RC3H2: variants seen among roughly 807,000 people sequenced by gnomAD.
RC3H2 encodes roquin-2.
RC3H2 carries 31 observed loss-of-function variants against 133.3 expected under a neutral mutation model. That is an observed-to-expected ratio of 0.23 (90% confidence interval 0.17 to 0.31). RC3H2 has a LOEUF of 0.31. Ranked by LOEUF, RC3H2 falls within the 10% of genes least tolerant of loss-of-function variation. The pLI is 1.00. For synonymous variants in RC3H2, 517 were observed against 502.2 expected (o/e 1.03, Z -0.40); for missense variants, 1,175 against 1,437.2 (o/e 0.82, Z 2.95).
Position 122,890,546 on chromosome 9 carries a change from C to CT in RC3H2, c.350-2dup. The CT allele has an allele frequency of 1.9e-6, 3 of 1,588,556 alleles. No homozygotes were observed. The highest frequency in any genetic ancestry group is 2.6e-6 in the Non-Finnish European group (3 of 1,165,182). ...GCACTCTGGTTCAAGCTAGCTACAC[C>CT]TTTAGGAAAAGGGAAACAAAGGGAG... is the stretch of plus-strand genomic sequence containing the variant. On this transcript the variant is annotated splice_acceptor_variant, in intron 3 of 20. Coordinates refer to ENST00000357244, the MANE Select transcript of RC3H2 (RefSeq NM_001100588.3). LOFTEE classifies it high-confidence loss of function.
Position 122,849,776 on chromosome 9 carries a change from G to A in RC3H2, c.3427C>T (p.Pro1143Ser). ...GCATTGCTAATAGACACTGGGAGTG[G>A]CTGGCTAAAGCAAGAAGTTACCGGC... ...ILPVTSCFSQ[P>S]LPVSISNASC... The change falls in exon 21 of 21, where the codon CCA (proline) becomes TCA (serine). Residue 1143 changes from proline (P) to serine (S), a missense_variant. Transcript: ENST00000357244. 1 of 1,587,176 alleles carries A rather than the reference G, an allele frequency of 6.3e-7. No individual in the cohort carries two copies. The highest frequency in any genetic ancestry group is 8.6e-7 in the Non-Finnish European group (1 of 1,168,034).
At position 122,855,517 on chromosome 9, in the gene RC3H2, C is replaced by A. The variant is rs980617196; in HGVS notation, c.2602-120G>T. ...GTTAATTTAAAACTAGCTCTAGACTCAACGATAATCCAACAAACTACCAGT... is the reference window on the plus strand; with the variant it reads ...GTTAATTTAAAACTAGCTCTAGACTAAACGATAATCCAACAAACTACCAGT... On this transcript the variant is annotated intron_variant, in intron 14 of 20. Transcript: ENST00000357244. 1.2e-5 allele frequency: 12 copies of A among 988,704 alleles called. No homozygotes were observed. In the East Asian group the frequency reaches 2.5e-4, roughly 21 times the overall value. 61.2% of individuals were successfully genotyped at this position (988,704 alleles called of 1,614,324 possible).
chr9:122,886,811 G>GT lies in RC3H2; in HGVS notation c.584-3433dup, dbSNP rs199983507. Among the ~76,000 whole-genome samples, 1,106 of 152,216 alleles carry GT rather than the reference G, an allele frequency of 7.3e-3. 12 individuals are homozygous for GT. The highest frequency in any genetic ancestry group is 0.025 in the African/African-American group (1,027 of 41,528). On this transcript the variant is annotated intron_variant, in intron 4 of 20. Coordinates refer to ENST00000357244, the MANE Select transcript of RC3H2 (RefSeq NM_001100588.3). ...TTTTTTCATGTGCTTGTTAGTCATC[G>GT]TGTCTCTTCTTTGGAGAAATGTCTA...
chr9:122,879,916 T>A (rs1284749290), intron 7 of RC3H2, 43 bp from the exon 8 acceptor site: 1 of 1,611,094 alleles, frequency 6.2e-7, no homozygotes, highest in East Asian at 2.2e-5. Context: ...GGGGGAAGAA[T>A]GTTAGCAGTA....
At chr9:122,850,636 G>A (rs746333525) in intron 20 of RC3H2, among the ~76,000 whole-genome samples, 1 of 151,554 alleles carries the variant, frequency 6.6e-6, no homozygotes, top group Non-Finnish European at 1.5e-5. Flanking sequence ...TAGAGACAGG[G>A]TTTCACTATG....
At chr9:122,902,519 T>C (rs951538958) in intron 1 of RC3H2, among the ~76,000 whole-genome samples, 1 of 152,154 alleles carries the variant, frequency 6.6e-6, no homozygotes, top group Non-Finnish European at 1.5e-5. Context: ...ATAATCCGAG[T>C]AATTTTTAAT....
At chr9:122,870,515 A>T (rs1831040451) in intron 9 of RC3H2, among the ~76,000 whole-genome samples, 1 of 152,242 alleles carries the variant, frequency 6.6e-6, no homozygotes, top group African/African-American at 2.4e-5. Flanking sequence ...GGAGAAATAA[A>T]ATCTTAACCA....
intron 20 of RC3H2, among the ~76,000 whole-genome samples, 167 bp downstream of exon 20, chr9:122,850,914 T>G (rs1293739362): frequency 6.6e-6 from 1 of 152,236 alleles, no homozygotes; most frequent in Non-Finnish European, 1.5e-5. Context: ...AATGGACTGC[T>G]TTGTTAGTTC....
intron 8 of RC3H2, among the ~76,000 whole-genome samples, chr9:122,879,077 A>G (rs988840246): frequency 3.2e-4 from 48 of 150,432 alleles, no homozygotes; most frequent in African/African-American, 1.0e-3. Flanking sequence ...CTTAACTTCT[A>G]AAGTACACTG....
In RC3H2 at chr9:122,853,728, T is replaced by C. The variant is rs528621249; in HGVS notation, c.3117+224A>G. 3.5e-5 allele frequency: 43 copies of C among 1,216,422 alleles called. No individual in the cohort carries two copies. In the Middle Eastern group the frequency reaches 6.8e-4, roughly 19 times the overall value. 75.4% of individuals were successfully genotyped at this position (1,216,422 alleles called of 1,614,324 possible). A position where few individuals can be genotyped will look rare whatever the true frequency, so the allele number is the denominator to read the frequency against. On this transcript the variant is annotated intron_variant, in intron 18 of 20. Coordinates refer to ENST00000357244, the MANE Select transcript of RC3H2 (RefSeq NM_001100588.3). ...GATCGTGCCATTGCACTCCAGGCGA[T>C]AGAGCAAGATTCCATCTCAAAAAAA...
Position 122,857,777 on chromosome 9 carries a change from T to G in RC3H2, c.2454+146A>C, listed in dbSNP as rs181004128. On this transcript the variant is annotated intron_variant, in intron 13 of 20. Coordinates refer to ENST00000357244, the MANE Select transcript of RC3H2 (RefSeq NM_001100588.3). ...CTCATAACACCTAGCCGTAGTGCAT[T>G]TATATTCAGTGTTTATTGAACTAAA... 2.7e-3 allele frequency: 1,720 copies of G among 641,844 alleles called. 15 individuals are homozygous for G. The highest frequency in any genetic ancestry group is 3.2e-3 in the Non-Finnish European group (1,198 of 373,058). 39.8% of individuals were successfully genotyped at this position (641,844 alleles called of 1,614,324 possible).
At chr9:122,895,383 GTCTCGAAC>G (rs139822134) in intron 2 of RC3H2, among the ~76,000 whole-genome samples, 10,045 of 152,012 alleles carry the variant, frequency 0.066, 1,234 homozygotes, top group East Asian at 0.53. Context: ...GTCCAGGCTA[GTCTCGAAC>G]TCCTGGCCTC....
chr9:122,850,303 A>G (rs1360971372), intron 20 of RC3H2, among the ~76,000 whole-genome samples: 1 of 152,086 alleles, frequency 6.6e-6, no homozygotes, highest in Non-Finnish European at 1.5e-5. Context: ...AAAAGTTATG[A>G]TAAAAATTAA....
chr9:122,889,382 T>A (rs1394541108), intron 4 of RC3H2, among the ~76,000 whole-genome samples: 1 of 152,178 alleles, frequency 6.6e-6, no homozygotes, highest in African/African-American at 2.4e-5. Context: ...GTAATTTATA[T>A]AGTTTATAGA....
At position 122,848,870 on chromosome 9, in the gene RC3H2, A is replaced by G. The variant is rs1260879797; in HGVS notation, c.*757T>C. ...CATAACTTAGGAGAATTTAATATCT[A>G]GTACATCAGCTGAAAGACTTAGGCA... On this transcript the variant is annotated 3_prime_UTR_variant, in exon 21 of 21. Coordinates refer to ENST00000357244, the MANE Select transcript of RC3H2 (RefSeq NM_001100588.3). 1 of 152,194 alleles carries G rather than the reference A, an allele frequency of 6.6e-6. No individual in the cohort carries two copies. Among genetic ancestry groups the G allele is most frequent in the African/African-American group, 2.4e-5 (1 of 41,462 alleles). 9.4% of individuals were successfully genotyped at this position (152,194 alleles called of 1,614,324 possible).
intron 10 of RC3H2, among the ~76,000 whole-genome samples, chr9:122,863,439 T>A (rs751753869): frequency 1.3e-5 from 2 of 152,232 alleles, no homozygotes; most frequent in Non-Finnish European, 2.9e-5. Context: ...AAGACTGGTC[T>A]CCTCAATATT....
intron 10 of RC3H2, among the ~76,000 whole-genome samples, chr9:122,863,444 A>C (rs553767149): frequency 6.0e-4 from 91 of 152,296 alleles, no homozygotes; most frequent in African/African-American, 2.0e-3. Context: ...TGGTCTCCTC[A>C]ATATTCCATA....
chr9:122,870,336 C>T (rs1484804068), intron 9 of RC3H2, among the ~76,000 whole-genome samples: 1 of 151,106 alleles, frequency 6.6e-6, no homozygotes, highest in Non-Finnish European at 1.5e-5. Flanking sequence ...GATTGTGCCA[C>T]TGTACTCCAG....
chr9:122,852,768 G>A (rs1324259369), intron 18 of RC3H2, among the ~76,000 whole-genome samples: 2 of 148,792 alleles, frequency 1.3e-5, no homozygotes, highest in African/African-American at 4.9e-5. Flanking sequence ...GGGGGGGTCA[G>A]CCCCCCGCCT....
Sources: gnomAD v4.1 joint callset for allele counts (sites outside exome capture counted in the v4.1 genomes callset) on GRCh38, gnomAD v4.1.1 for gene constraint, MANE v1.5 for transcripts, NCBI Gene and HGNC (gene_info 2026-07-23, HGNC 2026-07-21) for gene names.